The following PLXDC2 variants were observed in gnomAD, a reference collection of about 807,000 sequenced individuals.
PLXDC2 encodes the protein plexin domain-containing protein 2.
In PLXDC2, 40 loss-of-function variants were observed where a neutral mutation model predicts 68.9. That is an observed-to-expected ratio of 0.58 (90% CI 0.45 to 0.76). The LOEUF (loss-of-function observed/expected upper bound fraction) is 0.76, where lower values mean the gene tolerates loss of function less well. Among genes scored for constraint, PLXDC2 ranks in the 30% least tolerant of loss-of-function variants. The probability of loss-of-function intolerance (pLI) is 0.00; values close to 1 mark genes in which losing one functional copy is unlikely to be tolerated. For synonymous variants in PLXDC2, 243 were observed against 234.2 expected, an observed-to-expected ratio of 1.04 and a Z score of -0.34; for missense variants, 644 against 661.9, an observed-to-expected ratio of 0.97 and a Z score of 0.30.
At chr10:20,264,762 G>A (rs549903309) in intron 13 of PLXDC2, among the ~76,000 whole-genome samples, 3 of 151,974 alleles carry the variant, frequency 2.0e-5, no homozygotes, top group Non-Finnish European at 4.4e-5. Flanking sequence ...TATTTGAGAG[G>A]TAATGCAAAC....
chr10:20,148,041 A>C, intron 6 of PLXDC2, 139 bp downstream of exon 6: 1 of 642,746 alleles, frequency 1.6e-6, no homozygotes, highest in East Asian at 2.7e-5. Context: ...TGCTTAATAA[A>C]AAATGTTTTG....
rs72785822 is a variant in PLXDC2 at position 19,906,034 on chromosome 10, G to T, written c.112+88843G>T. Reference sequence around the variant, plus strand: ...ACAACTCAAATCTCTGCCTTGATGGGCCTTACATTCTAGTGATGTGAAACA... The same window carrying T: ...ACAACTCAAATCTCTGCCTTGATGGTCCTTACATTCTAGTGATGTGAAACA... On this transcript the variant is annotated intron_variant, in intron 1 of 13. Transcript: ENST00000377252. Among the ~76,000 whole-genome samples, 3 of 152,018 alleles carry T rather than the reference G, an allele frequency of 2.0e-5. No individual in the cohort carries two copies. In the South Asian group the frequency reaches 6.2e-4, roughly 31 times the overall value.
intron 4 of PLXDC2, among the ~76,000 whole-genome samples, chr10:20,136,822 A>G (rs1439015217): frequency 1.3e-5 from 2 of 152,230 alleles, no homozygotes; most frequent in African/African-American, 4.8e-5. Flanking sequence ...ATGAAGTAGA[A>G]TATTTTATGG....
Position 20,006,166 on chromosome 10 carries a change from G to A in PLXDC2, c.324+4180G>A, listed in dbSNP as rs554069172. Among the ~76,000 whole-genome samples, 11 of 151,962 alleles carry A rather than the reference G, an allele frequency of 7.2e-5. 3 individuals carry two copies. Among genetic ancestry groups the A allele is most frequent in the African/African-American group, 2.7e-4 (11 of 41,432 alleles). On this transcript the variant is annotated intron_variant, in intron 2 of 13. Coordinates refer to ENST00000377252, the MANE Select transcript of PLXDC2 (RefSeq NM_032812.9). ...TGTACTCCAACCTGGGCAACAGAGC[G>A]AGACTCAGTCTAAGAAAAAAAAAAG...
intron 12 of PLXDC2, among the ~76,000 whole-genome samples, chr10:20,232,862 G>T (rs1835383452): frequency 6.6e-6 from 1 of 151,992 alleles, no homozygotes; most frequent in South Asian, 2.1e-4. Context: ...TAAAATTCCT[G>T]CATTTCAAAT....
chr10:20,116,056 T>C (rs1833616771), intron 4 of PLXDC2, among the ~76,000 whole-genome samples: 1 of 152,182 alleles, frequency 6.6e-6, no homozygotes. Context: ...AAAAGTGTGT[T>C]TGAGATGTGG....
intron 1 of PLXDC2, among the ~76,000 whole-genome samples, chr10:19,926,837 A>G (rs1017286344): frequency 2.6e-5 from 4 of 152,318 alleles, no homozygotes; most frequent in African/African-American, 2.4e-5. Flanking sequence ...GTAAAGACCA[A>G]TGAGAGCCCT....
intron 6 of PLXDC2, among the ~76,000 whole-genome samples, chr10:20,162,891 C>T (rs1245885623): frequency 1.4e-5 from 2 of 141,388 alleles, no homozygotes; most frequent in Non-Finnish European, 3.0e-5. Context: ...TGGTGAAACC[C>T]CATCTCTACT....
chr10:19,855,927 A>T (rs562262654), intron 1 of PLXDC2, among the ~76,000 whole-genome samples: 1 of 152,112 alleles, frequency 6.6e-6, no homozygotes, highest in Non-Finnish European at 1.5e-5. Context: ...GTACTAAAAA[A>T]ATATACATAT....
chr10:19,991,981 T>C (rs186632300), intron 1 of PLXDC2, among the ~76,000 whole-genome samples: 1 of 152,312 alleles, frequency 6.6e-6, no homozygotes, highest in Admixed American at 6.5e-5. Flanking sequence ...GAGCCCTCAT[T>C]ATAAAATTAG....
chr10:20,102,114 C>A (rs765431706), intron 4 of PLXDC2, among the ~76,000 whole-genome samples: 26 of 152,056 alleles, frequency 1.7e-4, no homozygotes, highest in Non-Finnish European at 3.4e-4. Flanking sequence ...TTTTTACCAG[C>A]CTTTCTAAGA....
At chr10:19,866,119 A>C (rs1469960192) in intron 1 of PLXDC2, among the ~76,000 whole-genome samples, 2 of 152,200 alleles carry the variant, frequency 1.3e-5, no homozygotes, top group Non-Finnish European at 2.9e-5. Flanking sequence ...AAACAAAGGA[A>C]ATTAGATGTA....
At position 20,186,842 on chromosome 10, in the gene PLXDC2, G is replaced by A. The variant is rs143797788; in HGVS notation, c.1061+9433G>A. Reference sequence around the variant, plus strand: ...TGATGGGCATTTACATTGATTTCACGTCTTTGCTATTGTGAATAGTGCTGC... The same window carrying A: ...TGATGGGCATTTACATTGATTTCACATCTTTGCTATTGTGAATAGTGCTGC... On this transcript the variant is annotated intron_variant, in intron 9 of 13. Coordinates refer to ENST00000377252, the MANE Select transcript of PLXDC2 (RefSeq NM_032812.9). 4.1e-3 allele frequency among the ~76,000 whole-genome samples: 619 copies of A among 151,878 alleles called. 7 individuals carry two copies. Among genetic ancestry groups the A allele is most frequent in the African/African-American group, 0.014 (567 of 41,476 alleles).
intron 1 of PLXDC2, among the ~76,000 whole-genome samples, chr10:19,971,013 C>T (rs1046368646): frequency 6.6e-6 from 1 of 152,126 alleles, no homozygotes. Context: ...AAGATGAAAC[C>T]ACGCAGCTGT....
intron 4 of PLXDC2, among the ~76,000 whole-genome samples, chr10:20,117,851 T>G (rs1833641845): frequency 6.6e-6 from 1 of 152,128 alleles, no homozygotes; most frequent in African/African-American, 2.4e-5. Context: ...AACCAAGATA[T>G]TGAAAGGTAT....
chr10:20,147,880 G>A lies in PLXDC2; in HGVS notation c.761G>A (p.Arg254Gln), dbSNP rs1338681799. Residue 254 changes from arginine to glutamine, a missense_variant, in exon 6 of 14, where the codon CGA becomes CAA. This residue lies in a region of PLXDC2 where 113 missense variants were observed against 167.1 expected (regional missense o/e 0.68). Coordinates refer to ENST00000377252, the MANE Select transcript of PLXDC2 (RefSeq NM_032812.9). ...CAGGCAACCCTGCTCATGGATGGACGAATCATCTTTGGATACAAAGAAGTA... is the reference window on the plus strand; with the variant it reads ...CAGGCAACCCTGCTCATGGATGGACAAATCATCTTTGGATACAAAGAAGTA... Reference protein sequence around the residue: ...TFQATLLMDGRIIFGYKEIPV... With the variant: ...TFQATLLMDGQIIFGYKEIPV... 6.2e-7 allele frequency: 1 copy of A among 1,607,180 alleles called. No individual in the cohort carries two copies.
chr10:19,844,621 G>A (rs1231639911), intron 1 of PLXDC2, among the ~76,000 whole-genome samples: 1 of 150,026 alleles, frequency 6.7e-6, no homozygotes, highest in East Asian at 1.9e-4. Context: ...TTCTTTTTGA[G>A]GTAGGGCTCT....
chr10:20,149,580 ACT>A (rs1313177475), intron 6 of PLXDC2, among the ~76,000 whole-genome samples: 1 of 150,600 alleles, frequency 6.6e-6, no homozygotes, highest in Non-Finnish European at 1.5e-5. Context: ...CTCACCTTCC[ACT>A]CTCAAGTAGG....
In PLXDC2 at chr10:20,126,387, TATATA is replaced by T. The variant is rs1442516226; in HGVS notation, c.542-16904_542-16900del. On this transcript the variant is annotated intron_variant, in intron 4 of 13. Transcript: ENST00000377252. ...ATATAATACATATATACATATGTGT[TATATA>T]ATACATATATGTATATACAACACAC... is the stretch of plus-strand genomic sequence containing the variant. Among the ~76,000 whole-genome samples, 9 of 141,256 alleles carry T rather than the reference TATATA, an allele frequency of 6.4e-5. 1 individual carries two copies. The highest frequency in any genetic ancestry group is 1.0e-4 in the Non-Finnish European group (7 of 66,702). The allele number at this position is 141,256 out of a possible 152,430, so 92.7% of individuals were successfully genotyped here. A position where few individuals can be genotyped will look rare whatever the true frequency, so the allele number is the denominator to read the frequency against.
Sources: gnomAD v4.1 joint callset for allele counts (sites outside exome capture counted in the v4.1 genomes callset) on GRCh38, gnomAD v4.1.1 for gene constraint, gnomAD v4.1.1 regional missense constraint, MANE v1.5 for transcripts, NCBI Gene and HGNC (gene_info 2026-07-23, HGNC 2026-07-21) for gene names.